KAT7: variants seen among roughly 807,000 people sequenced by gnomAD.
KAT7 encodes the protein lysine acetyltransferase 7, also known as histone acetyltransferase KAT7.
KAT7 carries 10 observed loss-of-function variants against 82.1 expected under a neutral mutation model. The ratio of observed to expected loss-of-function variants is 0.12; its 90% CI spans 0.08 to 0.21. The LOEUF (loss-of-function observed/expected upper bound fraction) is 0.21. KAT7 is among the 10% of genes least tolerant of loss of function. The pLI is 1.00. For missense variants in KAT7, 378 were observed against 760.9 expected, an observed-to-expected ratio of 0.50 and a Z score of 5.92; for synonymous variants, 250 against 262.5, an observed-to-expected ratio of 0.95 and a Z score of 0.46.
chr17:49,823,180 A>G (rs1268187320), intron 11 of KAT7, 22 bp from the exon 12 acceptor site: 1 of 1,333,716 alleles, frequency 7.5e-7, no homozygotes. Context: ...TGACGTGTTC[A>G]TCTGTTTGCT....
intron 12 of KAT7, among the ~76,000 whole-genome samples, chr17:49,823,932 C>G (rs4794066): frequency 0.2 from 30,157 of 151,964 alleles, 3,313 homozygotes; most frequent in East Asian, 0.48. Context: ...TTTTAAATGG[C>G]CCCTATGAGT....
intron 6 of KAT7, among the ~76,000 whole-genome samples, chr17:49,811,271 TA>T (rs572979568): frequency 2.6e-4 from 39 of 152,010 alleles, no homozygotes; most frequent in African/African-American, 9.2e-4. Flanking sequence ...CATGCCTGGC[TA>T]ATTTTTGTAT....
intron 3 of KAT7, 23 bp downstream of exon 3, chr17:49,796,949 A>G: frequency 6.2e-7 from 1 of 1,608,566 alleles, no homozygotes; most frequent in South Asian, 1.1e-5. Context: ...GGTATGACTT[A>G]GACCTATTAC....
chr17:49,824,926 TAAA>T (rs939706249), intron 12 of KAT7, among the ~76,000 whole-genome samples: 1 of 148,144 alleles, frequency 6.8e-6, no homozygotes, highest in East Asian at 2.0e-4. Context: ...TATTACACCT[TAAA>T]AAAAAAAGTC....
chr17:49,802,035 A>G (rs1320242412), intron 4 of KAT7, among the ~76,000 whole-genome samples: 5 of 152,218 alleles, frequency 3.3e-5, no homozygotes, highest in Admixed American at 1.3e-4. Flanking sequence ...CATAAAACGG[A>G]AAATAGGATA....
In KAT7 at chr17:49,827,176, A is replaced by G. The variant is rs1169873805; in HGVS notation, c.1735-225A>G. 3 of 546,318 alleles carry G rather than the reference A, an allele frequency of 5.5e-6. No homozygotes were observed. In the East Asian group the frequency reaches 8.9e-5, roughly 16 times the overall value. The allele number at this position is 546,318 out of a possible 1,614,324, so 33.8% of individuals were successfully genotyped here. A position where few individuals can be genotyped will look rare whatever the true frequency, so the allele number is the denominator to read the frequency against. On this transcript the variant is annotated intron_variant, in intron 14 of 14. Transcript: ENST00000259021. Reference sequence around the variant, plus strand: ...TTTTTTAAATTATTTCATATATACAATAAAGGTCGGTGAGCGATGATTTTC... The same window carrying G: ...TTTTTTAAATTATTTCATATATACAGTAAAGGTCGGTGAGCGATGATTTTC...
chr17:49,813,538 G>A (rs1036968611), intron 7 of KAT7, among the ~76,000 whole-genome samples: 2 of 152,030 alleles, frequency 1.3e-5, no homozygotes, highest in African/African-American at 2.4e-5. Context: ...TTGACCCTTC[G>A]TATCCATGGA....
intron 3 of KAT7, among the ~76,000 whole-genome samples, chr17:49,798,090 G>A (rs1196388309): frequency 1.3e-5 from 2 of 152,188 alleles, no homozygotes; most frequent in African/African-American, 2.4e-5. Context: ...AATACAGATA[G>A]GTGTAATAGA....
At chr17:49,825,521 GTC>G (rs2074358030) in intron 12 of KAT7, among the ~76,000 whole-genome samples, 1 of 152,146 alleles carries the variant, frequency 6.6e-6, no homozygotes, top group Non-Finnish European at 1.5e-5. Flanking sequence ...ATTACCTGTA[GTC>G]AACTGCGGTC....
At chr17:49,799,725 A>G (rs1156998619) in intron 4 of KAT7, among the ~76,000 whole-genome samples, 1 of 152,052 alleles carries the variant, frequency 6.6e-6, no homozygotes, top group Non-Finnish European at 1.5e-5. Flanking sequence ...GTGCAGTGGC[A>G]TGATCATAGC....
In KAT7 at chr17:49,812,847, C is replaced by T. The variant is rs573427769; in HGVS notation, c.852+1273C>T. Among the ~76,000 whole-genome samples, 173 of 151,892 alleles carry T rather than the reference C, an allele frequency of 1.1e-3. 1 individual carries two copies. Among genetic ancestry groups the T allele is most frequent in the African/African-American group, 3.9e-3 (162 of 41,468 alleles). ...CCTCCCAAGTAGCTGGGATTACAGGCGCCCACCACCACACCCGGCTAATTT... is the reference window on the plus strand; with the variant it reads ...CCTCCCAAGTAGCTGGGATTACAGGTGCCCACCACCACACCCGGCTAATTT... On this transcript the variant is annotated intron_variant, in intron 7 of 14. Transcript: ENST00000259021.
intron 5 of KAT7, among the ~76,000 whole-genome samples, chr17:49,808,640 C>T (rs751665606): frequency 1.6e-4 from 25 of 151,788 alleles, no homozygotes; most frequent in African/African-American, 7.3e-5. Context: ...TTAATAGAGA[C>T]GGGGTTTCAC....
chr17:49,818,147 G>A (rs1331196482), intron 9 of KAT7, 136 bp downstream of exon 9: 1 of 675,550 alleles, frequency 1.5e-6, no homozygotes, highest in Non-Finnish European at 2.5e-6. Context: ...CATAGGAAAT[G>A]ACAGGCCACA....
Position 49,827,624 on chromosome 17 carries a change from C to T in KAT7, c.*122C>T, listed in dbSNP as rs1325458002. 3.0e-6 allele frequency: 2 copies of T among 670,066 alleles called. No individual in the cohort carries two copies. The highest frequency in any genetic ancestry group is 4.6e-5 in the Admixed American group (2 of 43,200). The allele number at this position is 670,066 out of a possible 1,614,324, so 41.5% of individuals were successfully genotyped here. ...TACAGTATCCTTTGGGAAGGCCATC[C>T]CCCTCAGGACTGTCCTGGCTCCGAC... On this transcript the variant is annotated 3_prime_UTR_variant, in exon 15 of 15. Transcript: ENST00000259021.
chr17:49,800,115 C>T (rs1474926967), intron 4 of KAT7, among the ~76,000 whole-genome samples: 1 of 150,828 alleles, frequency 6.6e-6, no homozygotes, highest in Non-Finnish European at 1.5e-5. Flanking sequence ...GGGTTCACAC[C>T]ATTCTCCTGC....
intron 3 of KAT7, 30 bp from the exon 4 acceptor site, chr17:49,798,289 C>T (rs371933807): frequency 1.4e-4 from 224 of 1,606,108 alleles, no homozygotes; most frequent in Non-Finnish European, 1.9e-4. Flanking sequence ...GAACTCCACT[C>T]ATAACTTCTA....
chr17:49,824,163 C>T (rs895882189), intron 12 of KAT7, among the ~76,000 whole-genome samples: 37 of 152,172 alleles, frequency 2.4e-4, no homozygotes, highest in Non-Finnish European at 1.3e-4. Context: ...AGGAACCTAA[C>T]CCTCCCTGTA....
intron 1 of KAT7, chr17:49,789,230 C>G (rs570067116): frequency 5.5e-6 from 1 of 182,074 alleles, no homozygotes; most frequent in African/African-American, 2.3e-5. Flanking sequence ...GATCCCTCCT[C>G]TCCTGATTGG....
At chr17:49,821,987 T>G (rs555747500) in intron 11 of KAT7, among the ~76,000 whole-genome samples, 197 bp downstream of exon 11, 1 of 152,140 alleles carries the variant, frequency 6.6e-6, no homozygotes, top group East Asian at 1.9e-4. Context: ...TATTAAAAGC[T>G]TCTGGTTCAT....
Sources: gnomAD v4.1 joint callset for allele counts (sites outside exome capture counted in the v4.1 genomes callset) on GRCh38, gnomAD v4.1.1 for gene constraint, MANE v1.5 for transcripts, NCBI Gene and HGNC (gene_info 2026-07-23, HGNC 2026-07-21) for gene names.